CLEC20A: variants seen among roughly 807,000 people sequenced by gnomAD.
CLEC20A encodes the protein C-type lectin domain containing 20A, also known as putative C-type lectin domain family 20 member A.
At chr1:178,496,613 C>T (rs938025894) in intron 1 of CLEC20A, 6 of 373,408 alleles carry the variant, frequency 1.6e-5, no homozygotes, top group East Asian at 7.7e-5. Context: ...CCTGCGCGGC[C>T]GTCTCTTTGA....
intron 2 of CLEC20A, among the ~76,000 whole-genome samples, chr1:178,493,950 T>C (rs1030388715): frequency 6.6e-6 from 1 of 152,258 alleles, no homozygotes; most frequent in Non-Finnish European, 1.5e-5. Flanking sequence ...CCATTTTTTC[T>C]ATTGAGGTCT....
chr1:178,499,441 T>C (rs1649479058), upstream of CLEC20A: 1 of 152,148 alleles, frequency 6.6e-6, no homozygotes. Flanking sequence ...ACCCTCAATC[T>C]GGGTAGGCAG....
chr1:178,485,643 A>G (rs1649114882), intron 5 of CLEC20A, among the ~76,000 whole-genome samples: 1 of 152,324 alleles, frequency 6.6e-6, no homozygotes, highest in Non-Finnish European at 1.5e-5. Context: ...GTTAGTTCCT[A>G]TGAGACCATG....
At chr1:178,480,401 G>A (rs1648937941) in intron 7 of CLEC20A, 1 of 152,180 alleles carries the variant, frequency 6.6e-6, no homozygotes, top group African/African-American at 2.4e-5. Flanking sequence ...CAGAAGGTAG[G>A]TGGCTTCTGG....
Position 178,488,545 on chromosome 1 carries a change from G to C in CLEC20A, c.884C>G (p.Ser295Cys), listed in dbSNP as rs181368748. The change falls in exon 5 of 8, where the codon TCC (serine) becomes TGC (cysteine). Residue 295 changes from serine to cysteine, a missense_variant. Coordinates refer to ENST00000623247, the Ensembl canonical transcript of CLEC20A. Reference sequence around the variant, plus strand: ...TGTTTCCTCTGTCATTTCTGTGGGGGAAGTGTGGAAGAGTGGAGGCAACTC... The same window carrying C: ...TGTTTCCTCTGTCATTTCTGTGGGGCAAGTGTGGAAGAGTGGAGGCAACTC... The C allele has an allele frequency of 1.0e-3, 415 of 398,820 alleles. 2 individuals carry two copies. The highest frequency in any genetic ancestry group is 7.1e-3 in the African/African-American group (345 of 48,780). The allele number at this position is 398,820 out of a possible 1,614,324, so 24.7% of individuals were successfully genotyped here.
At chr1:178,489,404 A>G (rs1558028892) in intron 4 of CLEC20A, among the ~76,000 whole-genome samples, 1 of 152,096 alleles carries the variant, frequency 6.6e-6, no homozygotes, top group Non-Finnish European at 1.5e-5. Context: ...AAATAAGGTA[A>G]ATTTTAAGAT....
intron 5 of CLEC20A, chr1:178,483,597 T>C (rs1236309513): frequency 9.9e-6 from 2 of 201,878 alleles, no homozygotes; most frequent in Non-Finnish European, 2.0e-5. Context: ...TAGCCTGTGC[T>C]CCAAAGGGCC....
chr1:178,488,821 T>C (rs1437147274), intron 4 of CLEC20A, among the ~76,000 whole-genome samples: 2 of 152,162 alleles, frequency 1.3e-5, no homozygotes, highest in Admixed American at 1.3e-4. Context: ...AGAGCATCTT[T>C]AAGGATAAGG....
intron 5 of CLEC20A, among the ~76,000 whole-genome samples, chr1:178,487,191 G>GC (rs946275733): frequency 4.6e-5 from 7 of 152,230 alleles, no homozygotes; most frequent in African/African-American, 1.7e-4. Flanking sequence ...CCCACCCAGT[G>GC]CAGACAGGGG....
intron 3 of CLEC20A, among the ~76,000 whole-genome samples, chr1:178,490,935 C>T (rs532946254): frequency 6.6e-6 from 1 of 152,142 alleles, no homozygotes; most frequent in African/African-American, 2.4e-5. Context: ...CACTGGCTCT[C>T]GGGCGAATCC....
intron 4 of CLEC20A, among the ~76,000 whole-genome samples, chr1:178,489,215 T>C (rs1649220690): frequency 6.6e-6 from 1 of 151,716 alleles, no homozygotes; most frequent in Non-Finnish European, 1.5e-5. Flanking sequence ...ATACAAAAAT[T>C]AGTCAGGCGT....
chr1:178,496,772 C>T (rs902913846), intron 1 of CLEC20A, 128 bp downstream of exon 1: 15 of 398,212 alleles, frequency 3.8e-5, no homozygotes, highest in Non-Finnish European at 3.5e-5. Flanking sequence ...GAAAAGCATT[C>T]ATTTCTTTCC....
chr1:178,497,973 G>A (rs552188485), upstream of CLEC20A, among the ~76,000 whole-genome samples: 4 of 152,126 alleles, frequency 2.6e-5, no homozygotes, highest in East Asian at 5.8e-4. Flanking sequence ...GGTGAGGAGG[G>A]AGAAGGAGCT....
At chr1:178,499,127 G>C (rs1444892173), upstream of CLEC20A, among the ~76,000 whole-genome samples, 1 of 152,140 alleles carries the variant, frequency 6.6e-6, no homozygotes, top group Non-Finnish European at 1.5e-5. Context: ...CCCAGCTCAG[G>C]CCCAGCACTC....
chr1:178,499,296 T>C (rs760099719), upstream of CLEC20A, among the ~76,000 whole-genome samples: 19 of 152,366 alleles, frequency 1.2e-4, no homozygotes, highest in Middle Eastern at 3.4e-3. Context: ...TTATCATTAG[T>C]AGCTGTGATG....
intron 2 of CLEC20A, among the ~76,000 whole-genome samples, chr1:178,493,111 C>T (rs1185390844): frequency 6.6e-6 from 1 of 152,180 alleles, no homozygotes; most frequent in East Asian, 1.9e-4. Flanking sequence ...GCTGACTTGA[C>T]CCCACATGCT....
At chr1:178,483,512 G>GC (rs1649046678) in intron 5 of CLEC20A, 2 of 360,646 alleles carry the variant, frequency 5.5e-6, no homozygotes, top group Non-Finnish European at 9.8e-6. Context: ...CTTTCAGAAA[G>GC]CCCCCCTGGC....
At chr1:178,481,378 A>G (rs189066150) in intron 7 of CLEC20A, 38 of 152,350 alleles carry the variant, frequency 2.5e-4, no homozygotes, top group South Asian at 2.1e-3. Flanking sequence ...ATAAATTGCA[A>G]TGAACTAACA....
chr1:178,492,939 G>A (rs928942453), intron 2 of CLEC20A, among the ~76,000 whole-genome samples: 2 of 152,264 alleles, frequency 1.3e-5, no homozygotes, highest in African/African-American at 4.8e-5. Context: ...CCGAAGAGGG[G>A]AGGCGAGGCC....
Sources: gnomAD v4.1 joint callset for allele counts (sites outside exome capture counted in the v4.1 genomes callset) on GRCh38, gnomAD v4.1.1 for gene constraint, MANE v1.5 for transcripts, NCBI Gene and HGNC (gene_info 2026-07-23, HGNC 2026-07-21) for gene names.